Variants in ITIH2 observed in about 807,000 individuals in gnomAD.
ITIH2 encodes inter-alpha-trypsin inhibitor heavy chain 2.
A neutral mutation model predicts 104.4 loss-of-function variants in ITIH2; 103 were observed. That is an observed-to-expected ratio of 0.99 (90% CI 0.84 to 1.16). ITIH2 has a LOEUF of 1.16. Among genes scored for constraint, ITIH2 ranks in the 50% most tolerant of loss-of-function variants. The pLI is 0.00. For synonymous variants in ITIH2, 436 were observed against 435.4 expected (o/e 1.00, Z -0.02); for missense variants, 1,108 against 1,162.4 (o/e 0.95, Z 0.68).
In ITIH2 at chr10:7,744,861, T is replaced by C. The variant is rs946627568; in HGVS notation, c.2479T>C (p.Leu827=). The change falls in exon 19 of 21, where the codon TTA becomes CTA. Residue 827 remains leucine (L), a synonymous_variant. Transcript: ENST00000358415. The part of the protein sequence containing the change: ...TLDKEMSFSV[L]LHRVWKKHPV... ...GGATAAAGAGATGTCCTTTTCTGTTTTACTTCATCGTGTTTGGAAGAAGCA... is the reference window on the plus strand; with the variant it reads ...GGATAAAGAGATGTCCTTTTCTGTTCTACTTCATCGTGTTTGGAAGAAGCA... 8 of 1,614,024 alleles carry C rather than the reference T, an allele frequency of 5.0e-6. No homozygotes were observed. In the African/African-American group the frequency reaches 6.7e-5, roughly 13 times the overall value.
intron 2 of ITIH2, 23 bp from the exon 3 acceptor site, chr10:7,707,178 G>T (rs1262671181): frequency 6.3e-7 from 1 of 1,582,014 alleles, no homozygotes; most frequent in Admixed American, 1.7e-5. Flanking sequence ...GTTGAAGAAT[G>T]ATTGTCTAAC....
At position 7,723,552 on chromosome 10, in the gene ITIH2, A is replaced by G. The variant is rs1227853173; in HGVS notation, c.969A>G (p.Gly323=). Residue 323 remains glycine (G), a synonymous_variant, in exon 9 of 21, where the codon GGA becomes GGG. Transcript: ENST00000358415. ...FVIDVSGSMW[G]VKMKQTVEAM... is the part of the protein sequence containing the mutation. Reference sequence around the variant, plus strand: ...TCGATGTGAGTGGCTCCATGTGGGGAGTTAAAATGAAACAAGTAAGTACCC... The same window carrying G: ...TCGATGTGAGTGGCTCCATGTGGGGGGTTAAAATGAAACAAGTAAGTACCC... The G allele has an allele frequency of 6.2e-7, 1 of 1,609,914 alleles. No homozygotes were observed. The highest frequency in any genetic ancestry group is 8.5e-7 in the Non-Finnish European group (1 of 1,176,214).
chr10:7,711,637 G>A (rs1358514250), intron 4 of ITIH2, among the ~76,000 whole-genome samples: 1 of 152,160 alleles, frequency 6.6e-6, no homozygotes, highest in Non-Finnish European at 1.5e-5. Context: ...AGAGTCACCT[G>A]TCTCCTGGGG....
In ITIH2 at chr10:7,746,068, T is replaced by TAAAAAAA. The variant is rs372266950; in HGVS notation, c.2582-499_2582-493dup. 6.7e-4 allele frequency among the ~76,000 whole-genome samples: 24 copies of TAAAAAAA among 35,792 alleles called. 1 individual carries two copies. The highest frequency in any genetic ancestry group is 1.8e-3 in the African/African-American group (20 of 10,888). The allele number at this position is 35,792 out of a possible 152,430, so 23.5% of individuals were successfully genotyped here. Reference sequence around the variant, plus strand: ...CACACCCGGCCCCAAATCTTAAATTTAAAAAAAAAAAAAAAAAAAAAAAAA... The same window carrying TAAAAAAA: ...CACACCCGGCCCCAAATCTTAAATTTAAAAAAAAAAAAAAAAAAAAAAAAAAAAAAAA... On this transcript the variant is annotated intron_variant, in intron 19 of 20. Transcript: ENST00000358415.
chr10:7,745,824 G>A (rs904035926), intron 19 of ITIH2, among the ~76,000 whole-genome samples: 4 of 151,098 alleles, frequency 2.6e-5, no homozygotes, highest in African/African-American at 4.8e-5. Flanking sequence ...GCGCAATCTC[G>A]GCTCACCGCA....
chr10:7,704,863 T>C (rs2131150131), intron 1 of ITIH2, among the ~76,000 whole-genome samples: 1 of 148,924 alleles, frequency 6.7e-6, no homozygotes, highest in Non-Finnish European at 1.5e-5. Flanking sequence ...TAAGTGGGAG[T>C]CGAACAACGA....
intron 15 of ITIH2, among the ~76,000 whole-genome samples, chr10:7,735,491 G>C (rs1252262927): frequency 6.6e-6 from 1 of 151,978 alleles, no homozygotes; most frequent in Admixed American, 6.6e-5. Flanking sequence ...CTCGAGCCCA[G>C]GAGGACCACT....
chr10:7,742,078 C>T (rs994804233), intron 16 of ITIH2, among the ~76,000 whole-genome samples: 3 of 152,212 alleles, frequency 2.0e-5, no homozygotes, highest in Non-Finnish European at 2.9e-5. Flanking sequence ...ATCTTACATT[C>T]GTGATTATGT....
chr10:7,711,849 C>T (rs915291912), intron 4 of ITIH2, among the ~76,000 whole-genome samples: 2 of 152,180 alleles, frequency 1.3e-5, no homozygotes, highest in African/African-American at 4.8e-5. Flanking sequence ...CAAATTGCTC[C>T]TTGGGAAAGA....
chr10:7,728,092 T>C (rs141775628), intron 11 of ITIH2, among the ~76,000 whole-genome samples: 301 of 152,326 alleles, frequency 2.0e-3, no homozygotes, highest in African/African-American at 7.0e-3. Flanking sequence ...AATAGTATGT[T>C]GTGAGGATTG....
rs777629047 is a variant in ITIH2, at chr10:7,703,540, C to G, written c.84+22C>G. The G allele has an allele frequency of 2.0e-6, 3 of 1,473,918 alleles. No homozygotes were observed. In the Admixed American group the frequency reaches 5.0e-5, roughly 25 times the overall value. The allele number at this position is 1,473,918 out of a possible 1,614,324, so 91.3% of individuals were successfully genotyped here. A position where few individuals can be genotyped will look rare whatever the true frequency, so the allele number is the denominator to read the frequency against. On this transcript the variant is annotated intron_variant, in intron 1 of 20. Transcript: ENST00000358415. ...TGAAGTAAGTACTTACAGATCACTC[C>G]TTGCTGTTGGCTTGTTCATGAGCTC... is the stretch of plus-strand genomic sequence containing the variant.
At chr10:7,723,168 C>T (rs115756580) in intron 8 of ITIH2, among the ~76,000 whole-genome samples, 5 of 16,902 alleles carry the variant, frequency 3.0e-4, no homozygotes, top group African/African-American at 1.1e-3. Context: ...AGTGGTGTGA[C>T]GTGGAGTGGA....
At position 7,727,760 on chromosome 10, in the gene ITIH2, A is replaced by G. The variant is rs1834964513; in HGVS notation, c.1211A>G (p.Asn404Ser). 1 of 1,613,966 alleles carries G rather than the reference A, an allele frequency of 6.2e-7. No homozygotes were observed. Among genetic ancestry groups the G allele is most frequent in the African/African-American group, 1.3e-5 (1 of 74,916 alleles). ...RAIFILNEAN[N>S]LGLLDPNSVS... is the part of the protein sequence containing the mutation. ...ATCTTCATTTTGAATGAAGCCAATAACTTGGGACTGTTAGACCCCAACTCC... is the reference window on the plus strand; with the variant it reads ...ATCTTCATTTTGAATGAAGCCAATAGCTTGGGACTGTTAGACCCCAACTCC... Residue 404 changes from asparagine to serine, a missense_variant, in exon 11 of 21, where the codon AAC becomes AGC. Transcript: ENST00000358415.
intron 14 of ITIH2, among the ~76,000 whole-genome samples, chr10:7,734,274 T>A (rs1016424502): frequency 6.6e-6 from 1 of 152,196 alleles, no homozygotes; most frequent in Admixed American, 6.5e-5. Context: ...GTGGGATGGA[T>A]GTTGATAGTG....
intron 6 of ITIH2, 24 bp downstream of exon 6, chr10:7,717,812 G>A (rs764986662): frequency 6.3e-7 from 1 of 1,592,584 alleles, no homozygotes; most frequent in South Asian, 1.1e-5. Flanking sequence ...TGTAGGGTGG[G>A]CAGTGACACT....
chr10:7,744,264 C>T lies in ITIH2; in HGVS notation c.2392C>T (p.Gln798Ter). ...CTCCTTGTCCTGGTCCGACACGGCTCAAGTCACGAATCAGAGGCAAGTATG... is the reference window on the plus strand; with the variant it reads ...CTCCTTGTCCTGGTCCGACACGGCTTAAGTCACGAATCAGAGGCAAGTATG... ...TFSLSWSDTA[Q>*]VTNQRVQISV... Residue 798 changes from glutamine to a stop codon, truncating the protein, a stop_gained, in exon 18 of 21, where the codon CAA (glutamine) becomes TAA (stop). Transcript: ENST00000358415. LOFTEE classifies it high-confidence loss of function. 1 of 1,613,924 alleles carries T rather than the reference C, an allele frequency of 6.2e-7. No homozygotes were observed. The highest frequency in any genetic ancestry group is 8.5e-7 in the Non-Finnish European group (1 of 1,179,894).
intron 20 of ITIH2, among the ~76,000 whole-genome samples, chr10:7,748,486 G>C (rs1253920482): frequency 6.3e-5 from 8 of 127,162 alleles, no homozygotes; most frequent in African/African-American, 2.3e-4. Context: ...CTTAAACACA[G>C]AGAAAGTGCA....
chr10:7,711,327 C>G (rs1490513795), intron 4 of ITIH2, among the ~76,000 whole-genome samples: 1 of 152,142 alleles, frequency 6.6e-6, no homozygotes, highest in East Asian at 1.9e-4. Context: ...TCTTTACTAT[C>G]TCATTACATA....
In ITIH2 at chr10:7,720,846, G is replaced by T. The variant is rs766648971; in HGVS notation, c.631-10G>T. The T allele has an allele frequency of 3.5e-4, 534 of 1,538,014 alleles. 1 individual carries two copies. Among genetic ancestry groups the T allele is most frequent in the Non-Finnish European group, 4.6e-4 (515 of 1,113,050 alleles). On this transcript the variant is annotated splice_polypyrimidine_tract_variant and intron_variant, in intron 6 of 20. Coordinates refer to ENST00000358415, the MANE Select transcript of ITIH2 (RefSeq NM_002216.3). ...TTAATGCTTTGGGTAATTTTCTCTTGCATCTCTAGGTAGATGTGTGGGTTA... is the reference window on the plus strand; with the variant it reads ...TTAATGCTTTGGGTAATTTTCTCTTTCATCTCTAGGTAGATGTGTGGGTTA...
Sources: gnomAD v4.1 joint callset for allele counts (sites outside exome capture counted in the v4.1 genomes callset) on GRCh38, gnomAD v4.1.1 for gene constraint, MANE v1.5 for transcripts, NCBI Gene and HGNC (gene_info 2026-07-23, HGNC 2026-07-21) for gene names.